GRK5: variants seen among roughly 807,000 people sequenced by gnomAD.
The protein encoded by GRK5 is G protein-coupled receptor kinase 5.
GRK5 carries 40 observed loss-of-function variants against 78.4 expected under a neutral mutation model. The observed-to-expected ratio is 0.51, with a 90% CI of 0.40 to 0.66. The LOEUF is 0.66. GRK5 is among the 30% of genes least tolerant of loss of function. The pLI is 0.00. For synonymous variants in GRK5, 289 were observed against 296.8 expected (o/e 0.97, Z 0.27); for missense variants, 598 against 759.9 (o/e 0.79, Z 2.50).
intron 2 of GRK5, among the ~76,000 whole-genome samples, chr10:119,366,578 C>T (rs1309851348): frequency 6.6e-6 from 1 of 152,206 alleles, no homozygotes; most frequent in Non-Finnish European, 1.5e-5. Context: ...GATCATTCTC[C>T]TGGCCCAGCC....
At chr10:119,368,574 G>C (rs1039333130) in intron 2 of GRK5, among the ~76,000 whole-genome samples, 2 of 152,238 alleles carry the variant, frequency 1.3e-5, no homozygotes, top group Non-Finnish European at 2.9e-5. Context: ...TTGTAAAAGG[G>C]GAAACCAAGG....
intron 13 of GRK5, among the ~76,000 whole-genome samples, chr10:119,449,014 T>C (rs555794920): frequency 6.6e-6 from 1 of 152,282 alleles, no homozygotes; most frequent in Non-Finnish European, 1.5e-5. Context: ...GTGCTTCGGC[T>C]CCTGCCACGC....
At position 119,445,616 on chromosome 10, in the gene GRK5, C is replaced by T. The variant is rs929428842; in HGVS notation, c.1266+1864C>T. On this transcript the variant is annotated intron_variant, in intron 12 of 15. Coordinates refer to ENST00000392870, the MANE Select transcript of GRK5 (RefSeq NM_005308.3). The surrounding 1 kb of genome is among the most constrained non-coding windows in gnomAD (Gnocchi z 4.1). ...CCTCTGGAAGCCTCTGGCCTTGCTG[C>T]GGCTTCCCTTACAAATGATCTTTGG... Among the ~76,000 whole-genome samples, 3 of 152,174 alleles carry T rather than the reference C, an allele frequency of 2.0e-5. No individual in the cohort carries two copies. Among genetic ancestry groups the T allele is most frequent in the African/African-American group, 7.2e-5 (3 of 41,442 alleles).
chr10:119,388,535 C>T (rs1469529142), intron 3 of GRK5, among the ~76,000 whole-genome samples: 1 of 152,150 alleles, frequency 6.6e-6, no homozygotes, highest in Non-Finnish European at 1.5e-5. Context: ...TAGTGTTTCA[C>T]CAGGTTGGCC....
chr10:119,439,900 C>T, intron 10 of GRK5, 132 bp downstream of exon 10: 1 of 761,154 alleles, frequency 1.3e-6, no homozygotes. Context: ...GTGCTGGGTA[C>T]CTGGGGAAGG....
chr10:119,376,848 T>C (rs1851629171), intron 2 of GRK5, among the ~76,000 whole-genome samples: 1 of 152,188 alleles, frequency 6.6e-6, no homozygotes, highest in African/African-American at 2.4e-5. Context: ...ATTACAGGCG[T>C]AAGCCACCGT....
chr10:119,279,369 G>A (rs1163644002), intron 1 of GRK5, among the ~76,000 whole-genome samples: 1 of 152,168 alleles, frequency 6.6e-6, no homozygotes, highest in Non-Finnish European at 1.5e-5. Flanking sequence ...GCTTATCACA[G>A]GTGCTGAGCC....
At chr10:119,298,047 A>T (rs78603693) in intron 1 of GRK5, among the ~76,000 whole-genome samples, 1 of 152,188 alleles carries the variant, frequency 6.6e-6, no homozygotes, top group Non-Finnish European at 1.5e-5. Context: ...AAATATTGAC[A>T]GCCCTGGACT....
intron 4 of GRK5, among the ~76,000 whole-genome samples, chr10:119,417,653 GT>G (rs36054846): frequency 0.43 from 66,073 of 151,954 alleles, 14,567 homozygotes; most frequent in East Asian, 0.57. Flanking sequence ...TATCCCAGAG[GT>G]TTCTGCTCTG....
intron 1 of GRK5, among the ~76,000 whole-genome samples, chr10:119,287,760 C>CGGATA (rs1849879243): frequency 6.6e-6 from 1 of 152,228 alleles, no homozygotes; most frequent in Non-Finnish European, 1.5e-5. Context: ...ACGGCTATGA[C>CGGATA]TGCACCGTAT....
rs542376699 is a variant in GRK5 at position 119,258,711 on chromosome 10, A to C, written c.52+50742A>C. On this transcript the variant is annotated intron_variant, in intron 1 of 15. Coordinates refer to ENST00000392870, the MANE Select transcript of GRK5 (RefSeq NM_005308.3). ...ACTCTGGTGCAATGATTTGAGTGTA[A>C]GTAGTTTATCCGGGGGTCAATGCCA... 2.1e-4 allele frequency among the ~76,000 whole-genome samples: 32 copies of C among 152,272 alleles called. No individual in the cohort carries two copies. The South Asian group carries it at 6.2e-3, about 30-fold the overall frequency.
intron 1 of GRK5, among the ~76,000 whole-genome samples, chr10:119,288,492 G>T (rs1351618502): frequency 6.6e-6 from 1 of 152,200 alleles, no homozygotes; most frequent in Non-Finnish European, 1.5e-5. Flanking sequence ...CTTTATTGTG[G>T]GTTCTTTAGC....
intron 1 of GRK5, among the ~76,000 whole-genome samples, chr10:119,263,992 G>A (rs1052775581): frequency 2.1e-4 from 32 of 152,078 alleles, no homozygotes; most frequent in African/African-American, 7.7e-4. Flanking sequence ...CTAATTGTGG[G>A]TCTTTTCCTT....
At chr10:119,307,088 T>A (rs1045119690) in intron 1 of GRK5, among the ~76,000 whole-genome samples, 5 of 152,100 alleles carry the variant, frequency 3.3e-5, no homozygotes, top group African/African-American at 1.2e-4. Flanking sequence ...CCTTATTCAC[T>A]GAACTTTCTT....
chr10:119,415,241 C>G (rs1483086032), intron 4 of GRK5, among the ~76,000 whole-genome samples: 1 of 151,970 alleles, frequency 6.6e-6, no homozygotes, highest in Non-Finnish European at 1.5e-5. Context: ...AGAAGCAGGT[C>G]CTAAAGAACT....
chr10:119,242,974 C>T (rs1275634587), intron 1 of GRK5, among the ~76,000 whole-genome samples: 3 of 152,210 alleles, frequency 2.0e-5, no homozygotes, highest in Non-Finnish European at 4.4e-5. Context: ...CGCAGTGGCT[C>T]ACGCCTATAA....
At chr10:119,246,938 C>A (rs922060125) in intron 1 of GRK5, among the ~76,000 whole-genome samples, 1 of 152,174 alleles carries the variant, frequency 6.6e-6, no homozygotes, top group Admixed American at 6.5e-5. Context: ...TTTTAACTGG[C>A]ACAGAGGGCC....
intron 1 of GRK5, among the ~76,000 whole-genome samples, chr10:119,304,395 A>G (rs1022551905): frequency 6.8e-6 from 1 of 147,002 alleles, no homozygotes; most frequent in South Asian, 2.1e-4. Context: ...GGTTCAAGCA[A>G]TTCTCCCTGC....
rs1316964070 is a variant in GRK5 at position 119,414,601 on chromosome 10, G to T, written c.340-8565G>T. 3.3e-5 allele frequency among the ~76,000 whole-genome samples: 5 copies of T among 152,154 alleles called. No homozygotes were observed. The East Asian group carries it at 9.6e-4, about 29-fold the overall frequency. On this transcript the variant is annotated intron_variant, in intron 4 of 15. Transcript: ENST00000392870. ...AAGGTTCTCTGGCCAGATTCCCTAG[G>T]TTTGAATCCTGTCTTTGCTCCCAGG... is the stretch of plus-strand genomic sequence containing the variant.
Sources: allele counts gnomAD v4.1 joint callset (sites outside exome capture counted in the v4.1 genomes callset), GRCh38; gene constraint gnomAD v4.1.1; non-coding constraint Gnocchi (gnomAD v3.1); transcripts MANE v1.5; gene names NCBI Gene and HGNC (gene_info 2026-07-23, HGNC 2026-07-21).